TTC28: variants seen among roughly 807,000 people sequenced by gnomAD.
The protein encoded by TTC28 is tetratricopeptide repeat protein 28.
TTC28 carries 61 observed loss-of-function variants against 198.0 expected under a neutral mutation model. The observed-to-expected ratio is 0.31, with a 90% CI of 0.25 to 0.38. TTC28 has a LOEUF of 0.38. Ranked by LOEUF, TTC28 falls within the 10% of genes least tolerant of loss-of-function variation. The probability of loss-of-function intolerance (pLI) is 1.00; values close to 1 mark genes in which losing one functional copy is unlikely to be tolerated. For missense variants in TTC28, 2,678 were observed against 3,164.0 expected (o/e 0.85, Z 3.69); for synonymous variants, 1,171 against 1,297.8 (o/e 0.90, Z 2.10).
At chr22:28,145,147 A>G (rs1943436597) in intron 6 of TTC28, among the ~76,000 whole-genome samples, 1 of 152,216 alleles carries the variant, frequency 6.6e-6, no homozygotes, top group Admixed American at 6.5e-5. Context: ...TACCGACACT[A>G]ACTTCTAGGT....
chr22:28,537,164 G>C (rs898759651), intron 2 of TTC28, among the ~76,000 whole-genome samples: 1 of 150,744 alleles, frequency 6.6e-6, no homozygotes, highest in Admixed American at 6.6e-5. Context: ...GTGGTGGCGG[G>C]TGCCTGTAGT....
chr22:28,479,131 A>C (rs2048208836), intron 2 of TTC28, among the ~76,000 whole-genome samples: 2 of 152,214 alleles, frequency 1.3e-5, no homozygotes, highest in African/African-American at 4.8e-5. Context: ...GCACAAGTGA[A>C]AGCAATGTAG....
chr22:28,331,429 T>C (rs1165060023), intron 2 of TTC28, among the ~76,000 whole-genome samples: 3 of 152,114 alleles, frequency 2.0e-5, no homozygotes, highest in Non-Finnish European at 4.4e-5. Context: ...CATCTTTCTG[T>C]TTCCAGCACA....
chr22:28,164,347 T>G (rs1383309310), intron 5 of TTC28, among the ~76,000 whole-genome samples: 1 of 152,172 alleles, frequency 6.6e-6, no homozygotes, highest in Non-Finnish European at 1.5e-5. Context: ...GACTGCCTCC[T>G]CAAGTGGGTC....
intron 5 of TTC28, among the ~76,000 whole-genome samples, chr22:28,255,990 A>T (rs1044372711): frequency 2.6e-5 from 4 of 152,142 alleles, no homozygotes; most frequent in Non-Finnish European, 1.5e-5. Flanking sequence ...TATATTTTTT[A>T]AAAAAGGAAG....
At chr22:28,463,339 G>C (rs1375054343) in intron 2 of TTC28, among the ~76,000 whole-genome samples, 1 of 152,120 alleles carries the variant, frequency 6.6e-6, no homozygotes, top group Non-Finnish European at 1.5e-5. Context: ...TTCAACCACT[G>C]TGGAAGACAG....
At chr22:28,391,556 T>A (rs955629401) in intron 2 of TTC28, among the ~76,000 whole-genome samples, 20 of 152,326 alleles carry the variant, frequency 1.3e-4, no homozygotes, top group Middle Eastern at 3.4e-3. Context: ...TATTCTTTTT[T>A]CTCTAAACTT....
Position 28,005,509 on chromosome 22 carries a change from T to C in TTC28, c.4219-3956A>G, listed in dbSNP as rs1937897675. ...TCCTTTGGCTGTTTCTCCCACGATA[T>C]GCAGGGTGCTGAGCTGTGTCAGTGG... On this transcript the variant is annotated intron_variant, in intron 14 of 22. Transcript: ENST00000397906. This position sits in a 1 kb window ranked among gnomAD's most constrained non-coding sequence, Gnocchi z 4.9. Among the ~76,000 whole-genome samples the C allele has an allele frequency of 6.6e-6, 1 of 152,162 alleles. No homozygotes were observed. The highest frequency in any genetic ancestry group is 1.5e-5 in the Non-Finnish European group (1 of 68,018).
intron 2 of TTC28, among the ~76,000 whole-genome samples, chr22:28,385,415 C>G (rs1315157218): frequency 3.3e-5 from 5 of 150,720 alleles, no homozygotes; most frequent in Admixed American, 3.3e-4. Context: ...ATAATAATAT[C>G]TACTTTTAAT....
intron 2 of TTC28, among the ~76,000 whole-genome samples, chr22:28,448,155 C>T (rs1053759145): frequency 6.6e-6 from 1 of 152,008 alleles, no homozygotes; most frequent in Non-Finnish European, 1.5e-5. Context: ...ACACATTTTC[C>T]CAGGTCTGTA....
chr22:28,390,378 G>A (rs1370594190), intron 2 of TTC28, among the ~76,000 whole-genome samples: 1 of 152,088 alleles, frequency 6.6e-6, no homozygotes, highest in Non-Finnish European at 1.5e-5. Context: ...GCAGAGCTGA[G>A]TTCAATTCCT....
intron 5 of TTC28, among the ~76,000 whole-genome samples, chr22:28,223,397 T>A (rs1928034161): frequency 6.6e-6 from 1 of 152,234 alleles, no homozygotes; most frequent in Admixed American, 6.5e-5. Context: ...AAGAAGAAAT[T>A]GAAATTGAGA....
At chr22:28,310,926 C>G (rs1054838268) in intron 2 of TTC28, among the ~76,000 whole-genome samples, 1 of 151,860 alleles carries the variant, frequency 6.6e-6, no homozygotes, top group Admixed American at 6.6e-5. Context: ...AGTTCAGGTG[C>G]GCACCACCAC....
At chr22:28,599,531 G>C (rs1223762589) in intron 2 of TTC28, among the ~76,000 whole-genome samples, 1 of 152,204 alleles carries the variant, frequency 6.6e-6, no homozygotes, top group Non-Finnish European at 1.5e-5. Flanking sequence ...GCTCATGCCT[G>C]TAATCCCAGC....
intron 12 of TTC28, among the ~76,000 whole-genome samples, chr22:28,045,610 G>A (rs1433845769): frequency 1.3e-5 from 2 of 152,132 alleles, no homozygotes; most frequent in African/African-American, 4.8e-5. Flanking sequence ...TGAATTCTGT[G>A]AATGTGTTTT....
chr22:28,535,307 T>C (rs889048029), intron 2 of TTC28, among the ~76,000 whole-genome samples: 1 of 152,156 alleles, frequency 6.6e-6, no homozygotes, highest in Non-Finnish European at 1.5e-5. Flanking sequence ...AAGCAAGATA[T>C]TGAACATTGA....
chr22:28,463,793 G>A (rs1423428793), intron 2 of TTC28, among the ~76,000 whole-genome samples: 1 of 151,982 alleles, frequency 6.6e-6, no homozygotes, highest in African/African-American at 2.4e-5. Flanking sequence ...GATAGCATTG[G>A]GAGATATACC....
intron 17 of TTC28, among the ~76,000 whole-genome samples, chr22:27,994,950 C>T (rs1937525883): frequency 6.6e-6 from 1 of 152,136 alleles, no homozygotes; most frequent in Non-Finnish European, 1.5e-5. Flanking sequence ...CTCCCAGCAC[C>T]CTGGGTGTTG....
At chr22:28,294,575 T>C (rs974975618) in intron 5 of TTC28, among the ~76,000 whole-genome samples, 4 of 151,890 alleles carry the variant, frequency 2.6e-5, no homozygotes, top group African/African-American at 9.7e-5. Flanking sequence ...TTTTTTTTTT[T>C]CTTTCCCCCC....
Sources: gnomAD v4.1 joint callset for allele counts (sites outside exome capture counted in the v4.1 genomes callset) on GRCh38, gnomAD v4.1.1 for gene constraint, Gnocchi (gnomAD v3.1) non-coding constraint, MANE v1.5 for transcripts, NCBI Gene and HGNC (gene_info 2026-07-23, HGNC 2026-07-21) for gene names.